Variants in IGSF21 observed in about 807,000 individuals in gnomAD.
The protein encoded by IGSF21 is immunoglobulin superfamily member 21.
In IGSF21, 28 loss-of-function variants were observed where a neutral mutation model predicts 46.8. The observed-to-expected ratio is 0.60, with a 90% confidence interval of 0.44 to 0.82. The LOEUF (loss-of-function observed/expected upper bound fraction) is 0.82, where lower values mean the gene tolerates loss of function less well. IGSF21 is among the 40% of genes least tolerant of loss of function. The pLI, the probability that IGSF21 is intolerant of heterozygous loss-of-function variation, is 0.00. For missense variants in IGSF21, 624 were observed against 665.5 expected (o/e 0.94, Z 0.69); for synonymous variants, 284 against 273.6 (o/e 1.04, Z -0.38).
intron 1 of IGSF21, among the ~76,000 whole-genome samples, chr1:18,212,580 C>T (rs1440261022): frequency 6.6e-6 from 1 of 152,210 alleles, no homozygotes; most frequent in African/African-American, 2.4e-5. Context: ...TGAGGGCTAG[C>T]CCGGGGTCTT....
At chr1:18,114,377 G>A (rs1454721377) in intron 1 of IGSF21, 3 of 152,192 alleles carry the variant, frequency 2.0e-5, no homozygotes, top group Admixed American at 6.6e-5. Flanking sequence ...CAGTCAGGTT[G>A]TTTGTTTGGG....
At chr1:18,179,576 T>A (rs1253983425) in intron 1 of IGSF21, among the ~76,000 whole-genome samples, 1 of 152,226 alleles carries the variant, frequency 6.6e-6, no homozygotes, top group Non-Finnish European at 1.5e-5. Flanking sequence ...GGAATCAAAA[T>A]GAAAACATAT....
At chr1:18,150,947 A>G (rs2086516536) in intron 1 of IGSF21, among the ~76,000 whole-genome samples, 1 of 152,184 alleles carries the variant, frequency 6.6e-6, no homozygotes, top group Non-Finnish European at 1.5e-5. Flanking sequence ...CTCCCAGCTT[A>G]GTGCCATCGG....
chr1:18,108,807 G>A (rs1429167956), intron 1 of IGSF21, among the ~76,000 whole-genome samples: 2 of 151,778 alleles, frequency 1.3e-5, no homozygotes, highest in East Asian at 3.9e-4. Context: ...GTGTGCACAG[G>A]AGATGGGACT....
chr1:18,158,168 C>A (rs1031071752), intron 1 of IGSF21, among the ~76,000 whole-genome samples: 1 of 152,144 alleles, frequency 6.6e-6, no homozygotes, highest in Non-Finnish European at 1.5e-5. Context: ...ATCTCACACA[C>A]CTGCCCTGTC....
At chr1:18,360,896 G>A (rs1300441444) in intron 4 of IGSF21, among the ~76,000 whole-genome samples, 4 of 152,190 alleles carry the variant, frequency 2.6e-5, no homozygotes, top group African/African-American at 4.8e-5. Flanking sequence ...GCCCAAGCAC[G>A]TGGAGGTGGT....
chr1:18,282,801 C>A (rs1236499178), intron 2 of IGSF21, among the ~76,000 whole-genome samples: 1 of 152,166 alleles, frequency 6.6e-6, no homozygotes, highest in Non-Finnish European at 1.5e-5. Flanking sequence ...TGCCTGCATA[C>A]ACTCTCTTAC....
chr1:18,360,078 A>G (rs1211057185), intron 4 of IGSF21, among the ~76,000 whole-genome samples: 5 of 152,186 alleles, frequency 3.3e-5, no homozygotes, highest in African/African-American at 9.6e-5. Flanking sequence ...GAAAGAATGC[A>G]CACATGTTAA....
At chr1:18,282,647 C>CACAT (rs2085173049) in intron 2 of IGSF21, among the ~76,000 whole-genome samples, 1 of 151,562 alleles carries the variant, frequency 6.6e-6, no homozygotes, top group Admixed American at 6.6e-5. Flanking sequence ...CACACACACA[C>CACAT]ACACACACAC....
intron 1 of IGSF21, among the ~76,000 whole-genome samples, chr1:18,187,797 G>A (rs115341650): frequency 6.6e-6 from 1 of 152,102 alleles, no homozygotes; most frequent in Admixed American, 6.6e-5. Flanking sequence ...CTGGGGGGGT[G>A]GGGGAGACAT....
chr1:18,361,800 G>A (rs2086103728), intron 4 of IGSF21: 1 of 243,384 alleles, frequency 4.1e-6, no homozygotes, highest in Non-Finnish European at 7.9e-6. Flanking sequence ...CCAGGCTCGG[G>A]CAGAGTCCCC....
intron 3 of IGSF21, among the ~76,000 whole-genome samples, chr1:18,309,915 C>G (rs2085472315): frequency 6.6e-6 from 1 of 152,194 alleles, no homozygotes; most frequent in African/African-American, 2.4e-5. Flanking sequence ...TCTCCCCCAC[C>G]TACCCAGACT....
intron 4 of IGSF21, among the ~76,000 whole-genome samples, chr1:18,357,990 G>A (rs1292499150): frequency 2.6e-5 from 4 of 152,158 alleles, no homozygotes; most frequent in Admixed American, 6.5e-5. Context: ...GCTCCAGTCA[G>A]GGTCTGTGTG....
At chr1:18,372,618 T>TTGGATCGATGGATAGATGGA (rs1553167509) in intron 6 of IGSF21, among the ~76,000 whole-genome samples, 82 of 85,978 alleles carry the variant, frequency 9.5e-4, no homozygotes, top group African/African-American at 3.0e-3. Flanking sequence ...GGGTGGATGT[T>TTGGATCGATGGATAGATGGA]TGGATGGATG....
chr1:18,157,552 C>T (rs2124439565), intron 1 of IGSF21, among the ~76,000 whole-genome samples: 1 of 152,344 alleles, frequency 6.6e-6, no homozygotes, highest in East Asian at 1.9e-4. Context: ...TCTGTGGTCA[C>T]CATCGTCCTG....
Position 18,334,147 on chromosome 1 carries a change from G to A in IGSF21, c.306-745G>A, listed in dbSNP as rs2085741855. On this transcript the variant is annotated intron_variant, in intron 3 of 9. Coordinates refer to ENST00000251296, the MANE Select transcript of IGSF21 (RefSeq NM_032880.5). This position sits in a 1 kb window ranked among gnomAD's most constrained non-coding sequence, Gnocchi z 4.3. ...TTGAGGGGGTCTCTCCCATCCTTAG[G>A]GATCACCTCTTCTGAGACACCCTCC... Among the ~76,000 whole-genome samples, 1 of 152,140 alleles carries A rather than the reference G, an allele frequency of 6.6e-6. No homozygotes were observed. The highest frequency in any genetic ancestry group is 2.4e-5 in the African/African-American group (1 of 41,436).
intron 2 of IGSF21, among the ~76,000 whole-genome samples, chr1:18,270,131 A>G (rs1452186186): frequency 6.6e-6 from 1 of 152,108 alleles, no homozygotes; most frequent in African/African-American, 2.4e-5. Context: ...TTTGCTCCCC[A>G]TTCTGCCTTC....
intron 2 of IGSF21, among the ~76,000 whole-genome samples, chr1:18,261,041 C>G (rs2084942298): frequency 6.6e-6 from 1 of 152,194 alleles, no homozygotes; most frequent in African/African-American, 2.4e-5. Context: ...CTAATCAGTC[C>G]TATCTCTTGT....
intron 4 of IGSF21, among the ~76,000 whole-genome samples, chr1:18,351,377 G>A (rs1402871350): frequency 1.3e-5 from 2 of 152,212 alleles, no homozygotes; most frequent in African/African-American, 4.8e-5. Flanking sequence ...CAGAAGGGCT[G>A]TGACCTCGAG....
Sources: allele counts gnomAD v4.1 joint callset (sites outside exome capture counted in the v4.1 genomes callset), GRCh38; gene constraint gnomAD v4.1.1; non-coding constraint Gnocchi (gnomAD v3.1); transcripts MANE v1.5; gene names NCBI Gene and HGNC (gene_info 2026-07-23, HGNC 2026-07-21).